Variants in ZNF652 observed in about 807,000 individuals in gnomAD.
ZNF652 encodes the protein zinc finger protein 652.
Under a neutral mutation model 45.2 loss-of-function variants are expected in ZNF652, and 16 were observed. The observed-to-expected ratio is 0.35, with a 90% CI of 0.24 to 0.54. ZNF652 has a LOEUF of 0.54. Among genes scored for constraint, ZNF652 ranks in the 20% least tolerant of loss-of-function variants. ZNF652 has a pLI of 0.91. For synonymous variants in ZNF652, 250 were observed against 260.6 expected, an observed-to-expected ratio of 0.96 and a Z score of 0.39; for missense variants, 614 against 765.6, an observed-to-expected ratio of 0.80 and a Z score of 2.34.
chr17:49,321,670 G>A (rs1297038955), intron 1 of ZNF652, among the ~76,000 whole-genome samples: 3 of 152,116 alleles, frequency 2.0e-5, no homozygotes, highest in Non-Finnish European at 4.4e-5. Flanking sequence ...GAAGTGGGGT[G>A]CTGCCTTACC....
intron 3 of ZNF652, 56 bp downstream of exon 3, chr17:49,312,642 G>A (rs1259760177): frequency 1.3e-6 from 2 of 1,575,748 alleles, no homozygotes; most frequent in East Asian, 2.2e-5. Flanking sequence ...AGGGCATAAA[G>A]CACACAGAAG....
intron 5 of ZNF652, among the ~76,000 whole-genome samples, chr17:49,310,030 T>G (rs1041519906): frequency 2.6e-5 from 4 of 152,172 alleles, no homozygotes; most frequent in African/African-American, 9.7e-5. Flanking sequence ...CTTGGCTCAC[T>G]GCAAGCTCCG....
chr17:49,339,780 A>G (rs965701745), intron 1 of ZNF652, among the ~76,000 whole-genome samples: 1 of 152,220 alleles, frequency 6.6e-6, no homozygotes, highest in Non-Finnish European at 1.5e-5. Context: ...CTGAAGACAG[A>G]GCCATTGTTC....
chr17:49,292,776 G>A lies in ZNF652; in HGVS notation c.*5637C>T, dbSNP rs1319911943. ...ATCTTTCAACAGAGAGACGAAATAT[G>A]TGAAGAAATAAGATATAAATAAAAG... On this transcript the variant is annotated 3_prime_UTR_variant, in exon 6 of 6. Coordinates refer to ENST00000430262, the MANE Select transcript of ZNF652 (RefSeq NM_001145365.3). Among the ~76,000 whole-genome samples, 1 of 152,284 alleles carries A rather than the reference G, an allele frequency of 6.6e-6. No individual in the cohort carries two copies. The highest frequency in any genetic ancestry group is 2.1e-4 in the South Asian group (1 of 4,828).
intron 1 of ZNF652, among the ~76,000 whole-genome samples, chr17:49,332,440 T>C (rs889370616): frequency 5.6e-4 from 86 of 152,306 alleles, no homozygotes; most frequent in Middle Eastern, 3.4e-3. Flanking sequence ...CCTCTGCCTT[T>C]TCCTTCCCAT....
intron 5 of ZNF652, among the ~76,000 whole-genome samples, chr17:49,309,719 T>C (rs1043934970): frequency 6.6e-6 from 1 of 152,298 alleles, no homozygotes; most frequent in African/African-American, 2.4e-5. Flanking sequence ...TTCAAAGTTA[T>C]CATTTTCTTT....
intron 2 of ZNF652, among the ~76,000 whole-genome samples, chr17:49,314,211 G>A (rs1416291025): frequency 2.6e-5 from 4 of 151,532 alleles, no homozygotes; most frequent in African/African-American, 9.7e-5. Context: ...GCCCAGGCTG[G>A]AGTGCAGTGG....
At chr17:49,306,398 G>A (rs1168917514) in intron 5 of ZNF652, among the ~76,000 whole-genome samples, 4 of 152,080 alleles carry the variant, frequency 2.6e-5, no homozygotes, top group Non-Finnish European at 5.9e-5. Flanking sequence ...AAATCAGCAA[G>A]GATTTTATTT....
At chr17:49,357,246 C>A (rs1022773836) in intron 1 of ZNF652, among the ~76,000 whole-genome samples, 6 of 151,704 alleles carry the variant, frequency 4.0e-5, no homozygotes, top group African/African-American at 1.5e-4. Context: ...TTGCAGTGAG[C>A]TGAGATCATG....
At chr17:49,358,132 G>A (rs552160883) in intron 1 of ZNF652, among the ~76,000 whole-genome samples, 1 of 152,262 alleles carries the variant, frequency 6.6e-6, no homozygotes, top group African/African-American at 2.4e-5. Flanking sequence ...ATTCCATTCT[G>A]CTGCTGAGGA....
intron 1 of ZNF652, chr17:49,361,199 G>A (rs2070388858): frequency 6.6e-6 from 1 of 152,258 alleles, no homozygotes; most frequent in South Asian, 2.1e-4. Flanking sequence ...AGAAGGTCTC[G>A]AATCCTGAAG....
In ZNF652 at chr17:49,295,865, G is replaced by C. The variant is rs1261631419; in HGVS notation, c.*2548C>G. The C allele has an allele frequency of 6.7e-6, 1 of 148,760 alleles. No homozygotes were observed. Among genetic ancestry groups the C allele is most frequent in the Non-Finnish European group, 1.5e-5 (1 of 67,466 alleles). 9.2% of individuals were successfully genotyped at this position (148,760 alleles called of 1,614,324 possible). ...AGGCAGGAGAATCACTTGAACCCGG[G>C]GGGCGGGGGTTGCAGTGAGCCAAGA... On this transcript the variant is annotated 3_prime_UTR_variant, in exon 6 of 6. Coordinates refer to ENST00000430262, the MANE Select transcript of ZNF652 (RefSeq NM_001145365.3).
intron 1 of ZNF652, among the ~76,000 whole-genome samples, chr17:49,350,559 T>C (rs2070260536): frequency 6.7e-6 from 1 of 149,054 alleles, no homozygotes; most frequent in Non-Finnish European, 1.5e-5. Flanking sequence ...AAAAAAAAAA[T>C]TGTGAAAAGA....
Position 49,317,054 on chromosome 17 carries a change from C to G in ZNF652, c.672G>C (p.Lys224Asn). ...GTGCTTTGGGCTCCTTTGTGGCCCG[C>G]TTCTTACGCTTAGGTGGCTCTACAC... ...RKSVEPPKRK[K>N]RATKEPKAPV... The change falls in exon 2 of 6, where the codon AAG (lysine) becomes AAC (asparagine). Residue 224 changes from lysine to asparagine, a missense_variant. Lys to Asn is a moderately conservative substitution (Grantham distance 94). Around this residue, in one of 5 missense-constraint regions of ZNF652, gnomAD observed 262 missense variants for 306.3 expected, o/e 0.86. Coordinates refer to ENST00000430262, the MANE Select transcript of ZNF652 (RefSeq NM_001145365.3). 6.2e-7 allele frequency: 1 copy of G among 1,614,076 alleles called. No individual in the cohort carries two copies. The highest frequency in any genetic ancestry group is 1.1e-5 in the South Asian group (1 of 91,078).
Position 49,317,571 on chromosome 17 carries a change from T to C in ZNF652, c.155A>G (p.Lys52Arg), listed in dbSNP as rs2069826811. 6.2e-7 allele frequency: 1 copy of C among 1,614,138 alleles called. No homozygotes were observed. Among genetic ancestry groups the C allele is most frequent in the Non-Finnish European group, 8.5e-7 (1 of 1,180,018 alleles). The part of the protein sequence containing the change: ...QELDLSTKVY[K>R]RESGSPYSVL... The stretch of plus-strand genomic sequence containing the variant: ...AGAATAAGGACTTCCTGATTCCCTT[T>C]TGTACACTTTGGTGGACAGGTCAAG... The change falls in exon 2 of 6, where the codon AAA becomes AGA. Residue 52 changes from lysine (K) to arginine (R), a missense_variant. Around this residue, in one of 5 missense-constraint regions of ZNF652, gnomAD observed 133 missense variants for 132.2 expected, o/e 1.01. Coordinates refer to ENST00000430262, the MANE Select transcript of ZNF652 (RefSeq NM_001145365.3).
chr17:49,351,665 A>G (rs1018994613), intron 1 of ZNF652, among the ~76,000 whole-genome samples: 2 of 151,794 alleles, frequency 1.3e-5, no homozygotes, highest in Non-Finnish European at 2.9e-5. Flanking sequence ...TTTTCTTCAT[A>G]TTTTTCTAGA....
chr17:49,351,937 GGATCACACCACTGT>G (rs1270858127), intron 1 of ZNF652, among the ~76,000 whole-genome samples: 4 of 152,042 alleles, frequency 2.6e-5, no homozygotes, highest in Non-Finnish European at 5.9e-5. Flanking sequence ...CAGTGAGTTA[GGATCACACCACTGT>G]GATCACACCA....
At chr17:49,313,304 C>T (rs1174693033) in intron 2 of ZNF652, among the ~76,000 whole-genome samples, 18 of 151,922 alleles carry the variant, frequency 1.2e-4, no homozygotes, top group African/African-American at 3.6e-4. Flanking sequence ...TACAGGTGGG[C>T]GTCACCATTC....
Position 49,327,759 on chromosome 17 carries a change from ATATATATATATATATATATATT to A in ZNF652, c.-258-9798_-258-9777del, listed in dbSNP as rs1382080710. On this transcript the variant is annotated intron_variant, in intron 1 of 5. Transcript: ENST00000430262. ...TATATATATATATATATATATATAT[ATATATATATATATATATATATT>A]TTTTTTTTTTTTTTTTAGTAGAGAT... 3.7e-3 allele frequency among the ~76,000 whole-genome samples: 36 copies of A among 9,666 alleles called. No homozygotes were observed. In the Middle Eastern group the frequency reaches 0.083, roughly 22 times the overall value. 6.3% of individuals were successfully genotyped at this position (9,666 alleles called of 152,430 possible).
Sources: allele counts gnomAD v4.1 joint callset (sites outside exome capture counted in the v4.1 genomes callset), GRCh38; gene constraint gnomAD v4.1.1; regional missense constraint gnomAD v4.1.1; transcripts MANE v1.5; gene names NCBI Gene and HGNC (gene_info 2026-07-23, HGNC 2026-07-21).